ZFAND3: variants seen among roughly 807,000 people sequenced by gnomAD.
ZFAND3 encodes the protein AN1-type zinc finger protein 3.
A neutral mutation model predicts 29.6 loss-of-function variants in ZFAND3; 10 were observed. The ratio of observed to expected loss-of-function variants is 0.34; its 90% CI spans 0.21 to 0.57. The LOEUF is 0.57. Among genes scored for constraint, ZFAND3 ranks in the 20% least tolerant of loss-of-function variants. ZFAND3 has a pLI of 0.86. For missense variants in ZFAND3, 230 were observed against 304.5 expected (o/e 0.76, Z 1.82); for synonymous variants, 128 against 112.6 (o/e 1.14, Z -0.87).
At chr6:38,034,878 GTTTTAT>G (rs974040773) in intron 2 of ZFAND3, among the ~76,000 whole-genome samples, 3 of 152,074 alleles carry the variant, frequency 2.0e-5, no homozygotes, top group East Asian at 1.9e-4. Context: ...CCCAAAAAGG[GTTTTAT>G]TTTTATTTTT....
intron 2 of ZFAND3, among the ~76,000 whole-genome samples, chr6:38,044,254 A>G (rs1763853722): frequency 1.3e-5 from 2 of 152,198 alleles, no homozygotes; most frequent in Admixed American, 1.3e-4. Context: ...ATAGCAGTAC[A>G]CTAATTACTG....
At position 38,152,872 on chromosome 6, in the gene ZFAND3, G is replaced by A. The variant is rs1766261545; in HGVS notation, c.*483G>A. 4.1e-6 allele frequency: 4 copies of A among 985,910 alleles called. No homozygotes were observed. The highest frequency in any genetic ancestry group is 6.1e-5 in the Admixed American group (1 of 16,270). The allele number at this position is 985,910 out of a possible 1,614,324, so 61.1% of individuals were successfully genotyped here. ...TAGCCAGGATACCTGATGGCCACGTGTGCCTTGGCCACGGGAGGCTGCTGA... is the reference window on the plus strand; with the variant it reads ...TAGCCAGGATACCTGATGGCCACGTATGCCTTGGCCACGGGAGGCTGCTGA... On this transcript the variant is annotated 3_prime_UTR_variant, in exon 6 of 6. Transcript: ENST00000287218.
At chr6:38,151,193 C>T (rs962335183) in intron 5 of ZFAND3, among the ~76,000 whole-genome samples, 1 of 152,202 alleles carries the variant, frequency 6.6e-6, no homozygotes, top group Non-Finnish European at 1.5e-5. Flanking sequence ...CTCCTGGCTC[C>T]CTGCAGCCCT....
chr6:37,886,914 G>A lies in ZFAND3; in HGVS notation c.72-43045G>A, dbSNP rs143696881. Among the ~76,000 whole-genome samples, 29 of 152,322 alleles carry A rather than the reference G, an allele frequency of 1.9e-4. No homozygotes were observed. The East Asian group carries it at 5.6e-3, about 29-fold the overall frequency. ...AGCTACTCAGGAGGCTTAGGCACATGAATTGCTTGACCTTGGGAGGCAGAG... is the reference window on the plus strand; with the variant it reads ...AGCTACTCAGGAGGCTTAGGCACATAAATTGCTTGACCTTGGGAGGCAGAG... On this transcript the variant is annotated intron_variant, in intron 1 of 5. Transcript: ENST00000287218.
At chr6:37,863,076 G>A (rs1163459148) in intron 1 of ZFAND3, among the ~76,000 whole-genome samples, 1 of 152,156 alleles carries the variant, frequency 6.6e-6, no homozygotes, top group African/African-American at 2.4e-5. Context: ...CTTGTCAGGA[G>A]ATACTGTAAC....
chr6:38,082,607 C>T (rs1421011075), intron 4 of ZFAND3, 150 bp downstream of exon 4: 1 of 645,562 alleles, frequency 1.5e-6, no homozygotes. Flanking sequence ...GGCGGAGTGT[C>T]AGCAGAGGTC....
chr6:38,152,397 G>A lies in ZFAND3; in HGVS notation c.*8G>A. 6.4e-7 allele frequency: 1 copy of A among 1,569,160 alleles called. No homozygotes were observed. Among genetic ancestry groups the A allele is most frequent in the Non-Finnish European group, 8.6e-7 (1 of 1,160,286 alleles). On this transcript the variant is annotated 3_prime_UTR_variant, in exon 6 of 6. Coordinates refer to ENST00000287218, the MANE Select transcript of ZFAND3 (RefSeq NM_021943.3). ...GGGGAGGGGTGCTCCTGAAGGCCAG[G>A]CATGGCCACCACGTGACGCTGTTCT...
chr6:38,004,569 A>G (rs1227305990), intron 2 of ZFAND3, among the ~76,000 whole-genome samples: 1 of 151,180 alleles, frequency 6.6e-6, no homozygotes, highest in Non-Finnish European at 1.5e-5. Context: ...ACACGAATGA[A>G]TAAGTAGGTC....
At chr6:38,083,179 C>T (rs1254513269) in intron 4 of ZFAND3, among the ~76,000 whole-genome samples, 1 of 152,000 alleles carries the variant, frequency 6.6e-6, no homozygotes, top group South Asian at 2.1e-4. Flanking sequence ...TTAAAAAATC[C>T]TTGTAACTCC....
chr6:37,847,968 C>T (rs1376477053), intron 1 of ZFAND3, among the ~76,000 whole-genome samples: 2 of 152,192 alleles, frequency 1.3e-5, no homozygotes, highest in African/African-American at 2.4e-5. Context: ...GGCCTAAAAG[C>T]GTAAAATACT....
At chr6:38,007,367 A>G (rs186347166) in intron 2 of ZFAND3, among the ~76,000 whole-genome samples, 5 of 152,098 alleles carry the variant, frequency 3.3e-5, no homozygotes, top group Admixed American at 2.6e-4. Flanking sequence ...CAGGACCAGT[A>G]AAACTCCATC....
At chr6:37,931,576 CAAA>C (rs549382637) in intron 2 of ZFAND3, among the ~76,000 whole-genome samples, 2 of 148,186 alleles carry the variant, frequency 1.3e-5, no homozygotes, top group South Asian at 4.3e-4. Context: ...ACCAACCAAA[CAAA>C]AAAAAGAAAT....
chr6:38,072,373 G>C (rs1764473215), intron 3 of ZFAND3, among the ~76,000 whole-genome samples: 1 of 152,130 alleles, frequency 6.6e-6, no homozygotes, highest in Admixed American at 6.5e-5. Context: ...TCAGTCACTT[G>C]TGAGATTATA....
At chr6:37,827,765 GTTCA>G (rs1159701668) in intron 1 of ZFAND3, among the ~76,000 whole-genome samples, 1 of 152,206 alleles carries the variant, frequency 6.6e-6, no homozygotes, top group African/African-American at 2.4e-5. Flanking sequence ...AACTACATCT[GTTCA>G]TTTAGCTGTA....
At chr6:37,894,530 AT>A (rs1227294068) in intron 1 of ZFAND3, among the ~76,000 whole-genome samples, 2 of 151,640 alleles carry the variant, frequency 1.3e-5, no homozygotes, top group African/African-American at 2.4e-5. Context: ...TGCCTTACTA[AT>A]TTTTTTATGT....
At chr6:37,835,040 A>T (rs1340849515) in intron 1 of ZFAND3, among the ~76,000 whole-genome samples, 1 of 152,192 alleles carries the variant, frequency 6.6e-6, no homozygotes, top group Non-Finnish European at 1.5e-5. Context: ...GATGACTAAC[A>T]AAATAGAGCA....
chr6:37,930,963 A>G (rs1233924929), intron 2 of ZFAND3, among the ~76,000 whole-genome samples: 2 of 152,194 alleles, frequency 1.3e-5, no homozygotes, highest in Non-Finnish European at 2.9e-5. Flanking sequence ...TGGGAGTTTT[A>G]AAGGGAGAAT....
At chr6:38,109,473 C>T (rs570108887) in intron 4 of ZFAND3, among the ~76,000 whole-genome samples, 10 of 152,068 alleles carry the variant, frequency 6.6e-5, no homozygotes, top group South Asian at 4.2e-4. Flanking sequence ...TGAGTCACTG[C>T]GCCCAGCCTG....
rs888346904 is a variant in ZFAND3, at chr6:37,894,849, T to C, written c.72-35110T>C. Among the ~76,000 whole-genome samples the C allele has an allele frequency of 2.0e-5, 3 of 152,206 alleles. No individual in the cohort carries two copies. In the South Asian group the frequency reaches 6.2e-4, roughly 31 times the overall value. ...CTCTACTGTCTTTTAGCATGCAACA[T>C]CTCTAATGAGAAATCTGTCACTGTC... On this transcript the variant is annotated intron_variant, in intron 1 of 5. Transcript: ENST00000287218.
Sources: gnomAD v4.1 joint callset for allele counts (sites outside exome capture counted in the v4.1 genomes callset) on GRCh38, gnomAD v4.1.1 for gene constraint, MANE v1.5 for transcripts, NCBI Gene and HGNC (gene_info 2026-07-23, HGNC 2026-07-21) for gene names.